Variants in MEGF11 observed in about 807,000 individuals in gnomAD.
The protein encoded by MEGF11 is multiple epidermal growth factor-like domains protein 11.
A neutral mutation model predicts 146.6 loss-of-function variants in MEGF11; 126 were observed. The ratio of observed to expected loss-of-function variants is 0.86; its 90% CI spans 0.74 to 1.00. The LOEUF (loss-of-function observed/expected upper bound fraction) is 1.00. MEGF11 is among the 50% of genes least tolerant of loss of function. MEGF11 has a pLI of 0.00. For missense variants in MEGF11, 1,509 were observed against 1,521.2 expected (o/e 0.99, Z 0.13); for synonymous variants, 532 against 583.4 (o/e 0.91, Z 1.27).
intron 5 of MEGF11, among the ~76,000 whole-genome samples, chr15:66,027,593 CG>C (rs2083378745): frequency 6.6e-6 from 1 of 152,218 alleles, no homozygotes; most frequent in African/African-American, 2.4e-5. Flanking sequence ...CTCTGGGCTA[CG>C]AGCCAGGCAG....
intron 1 of MEGF11, among the ~76,000 whole-genome samples, chr15:66,221,885 AG>A (rs1329864704): frequency 1.3e-5 from 2 of 150,190 alleles, no homozygotes; most frequent in Non-Finnish European, 3.0e-5. Flanking sequence ...GCCACATAAA[AG>A]CTGCCCCTGC....
At chr15:66,083,950 T>A (rs886800761) in intron 5 of MEGF11, among the ~76,000 whole-genome samples, 1 of 152,140 alleles carries the variant, frequency 6.6e-6, no homozygotes, top group Non-Finnish European at 1.5e-5. Flanking sequence ...AATGACACTA[T>A]CAACAGAGTA....
chr15:66,193,957 T>C (rs1597145317), intron 1 of MEGF11, among the ~76,000 whole-genome samples: 1 of 152,082 alleles, frequency 6.6e-6, no homozygotes, highest in African/African-American at 2.4e-5. Context: ...TTTAAAGAAC[T>C]AAAAGTAGAT....
At chr15:65,942,932 AAAAAC>A (rs543668360) in intron 10 of MEGF11, among the ~76,000 whole-genome samples, 24 of 151,506 alleles carry the variant, frequency 1.6e-4, no homozygotes, top group South Asian at 4.2e-4. Flanking sequence ...CCATAGTGCT[AAAAAC>A]AAAACAAAAC....
intron 1 of MEGF11, among the ~76,000 whole-genome samples, chr15:66,129,469 A>C (rs2088550151): frequency 6.6e-6 from 1 of 152,236 alleles, no homozygotes. Flanking sequence ...TAAAAGCTTT[A>C]CTGAATTCAG....
chr15:66,063,482 G>C (rs2084991360), intron 5 of MEGF11, among the ~76,000 whole-genome samples: 1 of 152,208 alleles, frequency 6.6e-6, no homozygotes, highest in African/African-American at 2.4e-5. Flanking sequence ...AAAGCCTGGG[G>C]AAGTGATACA....
At chr15:66,111,455 C>T (rs12593972) in intron 4 of MEGF11, among the ~76,000 whole-genome samples, 2 of 152,014 alleles carry the variant, frequency 1.3e-5, no homozygotes, top group Non-Finnish European at 2.9e-5. Context: ...AAGGAGAGCA[C>T]GGTAAATTTC....
At chr15:65,901,235 A>G (rs968028374) in intron 24 of MEGF11, among the ~76,000 whole-genome samples, 1 of 152,216 alleles carries the variant, frequency 6.6e-6, no homozygotes, top group Non-Finnish European at 1.5e-5. Flanking sequence ...CTCACCAGCC[A>G]AGGAGTAAGG....
chr15:65,989,823 C>A (rs1309182126), intron 5 of MEGF11, among the ~76,000 whole-genome samples: 1 of 152,178 alleles, frequency 6.6e-6, no homozygotes, highest in Non-Finnish European at 1.5e-5. Flanking sequence ...GTCACCCTCC[C>A]CAAGACAGCA....
Position 66,123,891 on chromosome 15 carries a change from G to C in MEGF11, c.200+8C>G. On this transcript the variant is annotated splice_region_variant and intron_variant, in intron 3 of 25. Transcript: ENST00000395614. ...TTCCCTGCCCCATCATCTGAGAGAG[G>C]TACTCACCGGTGCCTGGTGCACTTG... 5 of 1,608,754 alleles carry C rather than the reference G, an allele frequency of 3.1e-6. No homozygotes were observed. Among genetic ancestry groups the C allele is most frequent in the Non-Finnish European group, 4.3e-6 (5 of 1,175,112 alleles).
chr15:65,930,692 A>G lies in MEGF11; in HGVS notation c.1408+131T>C, dbSNP rs567390937. 22 of 1,188,240 alleles carry G rather than the reference A, an allele frequency of 1.9e-5. No individual in the cohort carries two copies. In the African/African-American group the frequency reaches 2.3e-4, roughly 13 times the overall value. 73.6% of individuals were successfully genotyped at this position (1,188,240 alleles called of 1,614,324 possible). ...GGTTTTCTTGCCTGGAACCCAACCA[A>G]TATAGGCTCCCTGACCTTGCATGTG... On this transcript the variant is annotated intron_variant, in intron 11 of 25. Transcript: ENST00000395614.
At chr15:65,903,276 A>G (rs905078943) in intron 24 of MEGF11, among the ~76,000 whole-genome samples, 6 of 152,222 alleles carry the variant, frequency 3.9e-5, no homozygotes, top group Non-Finnish European at 5.9e-5. Context: ...CAGCATCATA[A>G]AGGCGATGGA....
intron 5 of MEGF11, among the ~76,000 whole-genome samples, chr15:66,066,189 G>A (rs1301798468): frequency 6.6e-6 from 1 of 152,166 alleles, no homozygotes; most frequent in Non-Finnish European, 1.5e-5. Context: ...ACAAGATCAT[G>A]AGCAGGGTGC....
At chr15:66,191,668 G>A (rs1343983979) in intron 1 of MEGF11, among the ~76,000 whole-genome samples, 1 of 152,208 alleles carries the variant, frequency 6.6e-6, no homozygotes, top group Non-Finnish European at 1.5e-5. Context: ...CTCAGAGCAA[G>A]CCATCAACCC....
At position 65,979,390 on chromosome 15, in the gene MEGF11, G is replaced by A. The variant is rs376926754; in HGVS notation, c.762+1388C>T. On this transcript the variant is annotated intron_variant, in intron 7 of 25. Transcript: ENST00000395614. Reference sequence around the variant, plus strand: ...ATTCTGTCAAGACTGTGCCTGCATCGATGGGCCCTGCAGGTGTCCTCCCAT... The same window carrying A: ...ATTCTGTCAAGACTGTGCCTGCATCAATGGGCCCTGCAGGTGTCCTCCCAT... Among the ~76,000 whole-genome samples, 17 of 152,264 alleles carry A rather than the reference G, an allele frequency of 1.1e-4. No homozygotes were observed. The East Asian group carries it at 1.2e-3, about 10-fold the overall frequency.
intron 1 of MEGF11, among the ~76,000 whole-genome samples, chr15:66,169,817 A>AGGAGCACCGCGGCAGCC (rs1281051430): frequency 6.6e-6 from 1 of 152,230 alleles, no homozygotes; most frequent in Non-Finnish European, 1.5e-5. Flanking sequence ...CAGGCGGAGC[A>AGGAGCACCGCGGCAGCC]GGAGCACCGC....
At chr15:66,184,647 G>C (rs114933652) in intron 1 of MEGF11, among the ~76,000 whole-genome samples, 1 of 150,284 alleles carries the variant, frequency 6.7e-6, no homozygotes, top group Non-Finnish European at 1.5e-5. Context: ...CCCTGCCCTG[G>C]GTGCCTCCCA....
At chr15:66,028,312 A>C (rs1050583181) in intron 5 of MEGF11, among the ~76,000 whole-genome samples, 1 of 152,246 alleles carries the variant, frequency 6.6e-6, no homozygotes, top group Admixed American at 6.5e-5. Flanking sequence ...TTAGAAAGCC[A>C]GTAAATGCAA....
chr15:65,933,718 C>T (rs2079660869), intron 10 of MEGF11, among the ~76,000 whole-genome samples: 1 of 152,198 alleles, frequency 6.6e-6, no homozygotes, highest in African/African-American at 2.4e-5. Context: ...CCAGATCTTC[C>T]ATCCTGAAAG....
Sources: allele counts gnomAD v4.1 joint callset (sites outside exome capture counted in the v4.1 genomes callset), GRCh38; gene constraint gnomAD v4.1.1; transcripts MANE v1.5; gene names NCBI Gene and HGNC (gene_info 2026-07-23, HGNC 2026-07-21).